Variants in AP5Z1 observed in about 807,000 individuals in gnomAD.
AP5Z1 encodes AP-5 complex subunit zeta-1.
A neutral mutation model predicts 83.0 loss-of-function variants in AP5Z1; 106 were observed. The ratio of observed to expected loss-of-function variants is 1.28; its 90% CI spans 1.09 to 1.50. The LOEUF is 1.50. Among genes scored for constraint, AP5Z1 ranks in the 40% most tolerant of loss-of-function variants. The pLI is 0.00. For missense variants in AP5Z1, 1,565 were observed against 1,094.2 expected, an observed-to-expected ratio of 1.43 and a Z score of -6.07; for synonymous variants, 751 against 514.1, an observed-to-expected ratio of 1.46 and a Z score of -6.23.
In AP5Z1 at chr7:4,793,895, A is replaced by C. The variant is rs1281512873; in HGVS notation, c.*2510A>C. ...CTTTGGAGCAGGGCACGGGACTGGC[A>C]GGCAGCTCTACCTGCAGCCCCTGTG... is the stretch of plus-strand genomic sequence containing the variant. On this transcript the variant is annotated 3_prime_UTR_variant, in exon 17 of 17. Transcript: ENST00000649063. 1 of 152,604 alleles carries C rather than the reference A, an allele frequency of 6.6e-6. No homozygotes were observed. Among genetic ancestry groups the C allele is most frequent in the Non-Finnish European group, 1.5e-5 (1 of 68,332 alleles). 9.5% of individuals were successfully genotyped at this position (152,604 alleles called of 1,614,324 possible). A position where few individuals can be genotyped will look rare whatever the true frequency, so the allele number is the denominator to read the frequency against.
At chr7:4,779,288 C>T (rs1011111873) in intron 1 of AP5Z1, among the ~76,000 whole-genome samples, 10 of 142,882 alleles carry the variant, frequency 7.0e-5, no homozygotes, top group African/African-American at 2.7e-4. Flanking sequence ...GTATATAACG[C>T]ATATAACAAC....
chr7:4,781,453 T>C (rs1338952415), intron 2 of AP5Z1, 115 bp from the exon 3 acceptor site: 40 of 1,532,098 alleles, frequency 2.6e-5, no homozygotes, highest in Non-Finnish European at 3.5e-5. Context: ...TCCATCCTCA[T>C]GTAAAATGCT....
chr7:4,786,369 C>G lies in AP5Z1; in HGVS notation c.1252C>G (p.Leu418Val), dbSNP rs370339182. The G allele has an allele frequency of 6.2e-7, 1 of 1,613,850 alleles. No homozygotes were observed. The highest frequency in any genetic ancestry group is 1.3e-5 in the African/African-American group (1 of 74,944). ...FEFIQFCRDN[L>V]HLFSGHLSTL... The stretch of plus-strand genomic sequence containing the variant: ...ATTCATCCAGTTCTGCAGGGACAAC[C>G]TCCACCTGTTCAGCGGGCACCTCAG... Residue 418 changes from leucine to valine, a missense_variant, in exon 10 of 17, where the codon CTC (leucine) becomes GTC (valine). Coordinates refer to ENST00000649063, the MANE Select transcript of AP5Z1 (RefSeq NM_014855.3).
chr7:4,786,323 C>G lies in AP5Z1; in HGVS notation c.1206C>G (p.His402Gln). ...CCAGGATCCCGGTGGAGCAGTTCCA[C>G]AGCCCCATGCTGGCCTTTGAATTCA... is the stretch of plus-strand genomic sequence containing the variant. ...LFTRIPVEQF[H>Q]SPMLAFEFIQ... is the part of the protein sequence containing the mutation. The change falls in exon 10 of 17, where the codon CAC (histidine) becomes CAG (glutamine). Residue 402 changes from histidine (H) to glutamine (Q), a missense_variant. Transcript: ENST00000649063. 2 of 1,613,874 alleles carry G rather than the reference C, an allele frequency of 1.2e-6. No homozygotes were observed. The highest frequency in any genetic ancestry group is 8.5e-7 in the Non-Finnish European group (1 of 1,179,836).
In AP5Z1 at chr7:4,791,579, T is replaced by G. The variant is rs373838070; in HGVS notation, c.*194T>G. ...ACCCTCTGGGCTTTGTCTCCGAGCC[T>G]TTTGCTCCCAGGCAACACTGAGCTG... On this transcript the variant is annotated 3_prime_UTR_variant, in exon 17 of 17. Coordinates refer to ENST00000649063, the MANE Select transcript of AP5Z1 (RefSeq NM_014855.3). 3.2e-4 allele frequency: 261 copies of G among 818,190 alleles called. 2 individuals carry two copies. The African/African-American group carries it at 3.7e-3, about 12-fold the overall frequency. The allele number at this position is 818,190 out of a possible 1,614,324, so 50.7% of individuals were successfully genotyped here. A position where few individuals can be genotyped will look rare whatever the true frequency, so the allele number is the denominator to read the frequency against.
chr7:4,780,786 C>T (rs888086294), intron 1 of AP5Z1, among the ~76,000 whole-genome samples: 7 of 152,034 alleles, frequency 4.6e-5, no homozygotes, highest in Non-Finnish European at 8.8e-5. Flanking sequence ...AAAATTTATT[C>T]TTGTTTCCAT....
rs757339931 is a variant in AP5Z1, at chr7:4,791,101, C to A, written c.2154-14C>A. On this transcript the variant is annotated splice_polypyrimidine_tract_variant and intron_variant, in intron 16 of 16. Transcript: ENST00000649063. Reference sequence around the variant, plus strand: ...GGAGCATCTGCAGCTGACGGAGGGACCTTCTTTCCCCAGGGCCTCTTTATT... The same window carrying A: ...GGAGCATCTGCAGCTGACGGAGGGAACTTCTTTCCCCAGGGCCTCTTTATT... 1.2e-5 allele frequency: 19 copies of A among 1,566,428 alleles called. No individual in the cohort carries two copies. In the African/African-American group the frequency reaches 2.2e-4, roughly 18 times the overall value.
chr7:4,788,743 G>C (rs1202417961), intron 12 of AP5Z1, 97 bp from the exon 13 acceptor site: 7 of 1,089,022 alleles, frequency 6.4e-6, no homozygotes, highest in Non-Finnish European at 9.1e-6. Context: ...ATGGGAGCGG[G>C]CTCAGCTGTG....
At chr7:4,784,142 A>G in intron 5 of AP5Z1, 61 bp from the exon 6 acceptor site, 1 of 1,515,080 alleles carries the variant, frequency 6.6e-7, no homozygotes, top group South Asian at 1.2e-5. Context: ...GCTTGTGCTA[A>G]AGGCTGGCGT....
Position 4,788,340 on chromosome 7 carries a change from C to A in AP5Z1, c.1595+46C>A, listed in dbSNP as rs551213850. The A allele has an allele frequency of 3.3e-6, 5 of 1,520,940 alleles. No homozygotes were observed. The Admixed American group carries it at 6.4e-5, about 19-fold the overall frequency. 94.2% of individuals were successfully genotyped at this position (1,520,940 alleles called of 1,614,324 possible). On this transcript the variant is annotated intron_variant, in intron 12 of 16. Transcript: ENST00000649063. ...GGGGCCACCAGTGGCTCAGAGAGCC[C>A]GGCCACAGCCACTGGGGTGGGGCTC...
At chr7:4,789,092 A>G (rs1051796805) in intron 13 of AP5Z1, 141 bp downstream of exon 13, 9 of 713,448 alleles carry the variant, frequency 1.3e-5, no homozygotes, top group Non-Finnish European at 2.1e-5. Flanking sequence ...TGTGAGGGTC[A>G]GGGAGGCACA....
intron 9 of AP5Z1, 115 bp downstream of exon 9, chr7:4,785,799 G>A: frequency 1.5e-6 from 2 of 1,328,514 alleles, no homozygotes; most frequent in Non-Finnish European, 2.0e-6. Context: ...AGAGACAGGG[G>A]TCTTGCTGTG....
Position 4,788,666 on chromosome 7 carries a change from G to T in AP5Z1, c.1596-174G>T, listed in dbSNP as rs1016155853. ...TGTCCCGATGGCTTTACTGTCCCGGGTGTGCTGACGCCAGGGGTCTCCCCA... is the reference window on the plus strand; with the variant it reads ...TGTCCCGATGGCTTTACTGTCCCGGTTGTGCTGACGCCAGGGGTCTCCCCA... On this transcript the variant is annotated intron_variant, in intron 12 of 16. Coordinates refer to ENST00000649063, the MANE Select transcript of AP5Z1 (RefSeq NM_014855.3). The T allele has an allele frequency of 5.1e-6, 3 of 586,570 alleles. No homozygotes were observed. The African/African-American group carries it at 5.7e-5, about 11-fold the overall frequency. 36.3% of individuals were successfully genotyped at this position (586,570 alleles called of 1,614,324 possible).
chr7:4,787,701 C>A lies in AP5Z1; in HGVS notation c.1379C>A (p.Ala460Asp). ...FVALLPALVD[A>D]GTALEMLHAL... ...GCGCTCCTCCCGGCCCTGGTGGACG[C>A]TGGCACAGCCCTGGAGATGCTGCAC... The change falls in exon 11 of 17, where the codon GCT (alanine) becomes GAT (aspartate). Residue 460 changes from alanine to aspartate, a missense_variant. Coordinates refer to ENST00000649063, the MANE Select transcript of AP5Z1 (RefSeq NM_014855.3). 4 of 1,551,796 alleles carry A rather than the reference C, an allele frequency of 2.6e-6. No individual in the cohort carries two copies. The highest frequency in any genetic ancestry group is 1.4e-5 in the African/African-American group (1 of 73,330).
intron 7 of AP5Z1, among the ~76,000 whole-genome samples, 183 bp downstream of exon 7, chr7:4,785,231 C>T (rs1351283345): frequency 6.6e-6 from 1 of 152,148 alleles, no homozygotes. Flanking sequence ...AGGCTCCACC[C>T]CAGCCCCCAG....
chr7:4,788,724 T>C, intron 12 of AP5Z1, 116 bp from the exon 13 acceptor site: 4 of 886,112 alleles, frequency 4.5e-6, no homozygotes, highest in Non-Finnish European at 6.7e-6. Flanking sequence ...CGAGAGGCGA[T>C]GAGTGAGGAT....
Position 4,787,727 on chromosome 7 carries a change from G to C in AP5Z1, c.1405G>C (p.Ala469Pro), listed in dbSNP as rs368021131. ...DAGTALEMLHALLDLPCLTAV... is the reference protein window; with the variant it reads ...DAGTALEMLHPLLDLPCLTAV... Reference sequence around the variant, plus strand: ...TGGCACAGCCCTGGAGATGCTGCACGCGCTGCTGGACCTGCCCTGCTTGAC... The same window carrying C: ...TGGCACAGCCCTGGAGATGCTGCACCCGCTGCTGGACCTGCCCTGCTTGAC... Residue 469 changes from alanine (A) to proline (P), a missense_variant, in exon 11 of 17, where the codon GCG becomes CCG. By Grantham distance (27) the Ala-to-Pro change is conservative. Coordinates refer to ENST00000649063, the MANE Select transcript of AP5Z1 (RefSeq NM_014855.3). The C allele has an allele frequency of 1.5e-5, 23 of 1,548,524 alleles. No individual in the cohort carries two copies. The highest frequency in any genetic ancestry group is 2.0e-5 in the Non-Finnish European group (23 of 1,148,948).
intron 3 of AP5Z1, 49 bp downstream of exon 3, chr7:4,781,803 AGGAACAGGG>A: frequency 1.3e-6 from 2 of 1,496,614 alleles, no homozygotes; most frequent in Non-Finnish European, 1.8e-6. Flanking sequence ...CTGCTTCCCA[AGGAACAGGG>A]GAGACAGGAA....
intron 7 of AP5Z1, 103 bp downstream of exon 7, chr7:4,785,151 AG>A: frequency 2.0e-6 from 3 of 1,492,186 alleles, no homozygotes; most frequent in African/African-American, 1.4e-5. Flanking sequence ...TGCTCCACAG[AG>A]GGGGTCCCTG....
Sources: allele counts gnomAD v4.1 joint callset (sites outside exome capture counted in the v4.1 genomes callset), GRCh38; gene constraint gnomAD v4.1.1; transcripts MANE v1.5; gene names NCBI Gene and HGNC (gene_info 2026-07-23, HGNC 2026-07-21).